The following TMEM151B variants were observed in gnomAD, a reference collection of about 807,000 sequenced individuals.
TMEM151B encodes the protein transmembrane protein 193.
A neutral mutation model predicts 33.0 loss-of-function variants in TMEM151B; 18 were observed. That is an observed-to-expected ratio of 0.55 (90% CI 0.38 to 0.81). The LOEUF is 0.81. TMEM151B is among the 30% of genes least tolerant of loss of function. The probability of loss-of-function intolerance (pLI) is 0.00; values close to 1 mark genes in which losing one functional copy is unlikely to be tolerated. For synonymous variants in TMEM151B, 354 were observed against 373.6 expected, an observed-to-expected ratio of 0.95 and a Z score of 0.61; for missense variants, 672 against 843.4, an observed-to-expected ratio of 0.80 and a Z score of 2.52.
rs971040753 is a variant in TMEM151B at position 44,276,400 on chromosome 6, G to C, written c.1574G>C (p.Gly525Ala). The C allele has an allele frequency of 6.6e-7, 1 of 1,514,232 alleles. No homozygotes were observed. The highest frequency in any genetic ancestry group is 2.0e-5 in the Admixed American group (1 of 49,352). The allele number at this position is 1,514,232 out of a possible 1,614,324, so 93.8% of individuals were successfully genotyped here. The change falls in exon 3 of 3, where the codon GGG (glycine) becomes GCG (alanine). Residue 525 changes from glycine to alanine, a missense_variant. Coordinates refer to ENST00000451188, the MANE Select transcript of TMEM151B (RefSeq NM_001137560.2). ...GAGGACGACGACGAGGAGGAGGCCG[G>C]GCCGCCGCCGCCCTACCACGACGCC... ...DDEDDDEEEAGPPPPYHDALY... is the reference protein window; with the variant it reads ...DDEDDDEEEAAPPPPYHDALY...
chr6:44,272,058 A>C (rs985116491), intron 1 of TMEM151B, among the ~76,000 whole-genome samples: 1 of 152,142 alleles, frequency 6.6e-6, no homozygotes, highest in Non-Finnish European at 1.5e-5. Context: ...AGAATGAAGC[A>C]TGGGCCCTCA....
intron 1 of TMEM151B, among the ~76,000 whole-genome samples, chr6:44,272,735 A>G (rs1782416265): frequency 6.6e-6 from 1 of 152,008 alleles, no homozygotes; most frequent in Admixed American, 6.5e-5. Flanking sequence ...CTCTCTGGGT[A>G]CCATCCTATC....
rs1338101094 is a variant in TMEM151B, at chr6:44,273,408, A to G, written c.478A>G (p.Thr160Ala). 7 of 1,551,080 alleles carry G rather than the reference A, an allele frequency of 4.5e-6. No individual in the cohort carries two copies. The highest frequency in any genetic ancestry group is 1.4e-5 in the African/African-American group (1 of 73,060). Reference protein sequence around the residue: ...RERVGRMQQATPCIWWKAISY... With the variant: ...RERVGRMQQAAPCIWWKAISY... The stretch of plus-strand genomic sequence containing the variant: ...ACGTGTGGGCCGCATGCAGCAAGCC[A>G]CGCCCTGCATCTGGTGGAAGGCCAT... Residue 160 changes from threonine (T) to alanine (A), a missense_variant, in exon 2 of 3, where the codon ACG becomes GCG. Thr to Ala is a moderately conservative substitution (Grantham distance 58, BLOSUM62 0). This residue lies in a region of TMEM151B where 285 missense variants were observed against 423.1 expected (regional missense o/e 0.67). Transcript: ENST00000451188.
In TMEM151B at chr6:44,273,115, A is replaced by G; in HGVS notation, c.185A>G (p.His62Arg). The change falls in exon 2 of 3, where the codon CAC (histidine) becomes CGC (arginine). Residue 62 changes from histidine (H) to arginine (R), a missense_variant. His to Arg is a conservative substitution (Grantham distance 29). Coordinates refer to ENST00000451188, the MANE Select transcript of TMEM151B (RefSeq NM_001137560.2). ...ACCAAGTCCCTCTGCCGTGAGTCCCACTGGAAGTGCCTCCTGCTCTCGCTG... is the reference window on the plus strand; with the variant it reads ...ACCAAGTCCCTCTGCCGTGAGTCCCGCTGGAAGTGCCTCCTGCTCTCGCTG... ...SFTKSLCRES[H>R]WKCLLLSLLM... 1 of 1,522,102 alleles carries G rather than the reference A, an allele frequency of 6.6e-7. No individual in the cohort carries two copies. Among genetic ancestry groups the G allele is most frequent in the Non-Finnish European group, 8.9e-7 (1 of 1,128,550 alleles). The allele number at this position is 1,522,102 out of a possible 1,614,324, so 94.3% of individuals were successfully genotyped here.
intron 1 of TMEM151B, among the ~76,000 whole-genome samples, chr6:44,272,633 C>T (rs1272298030): frequency 6.6e-6 from 1 of 152,158 alleles, no homozygotes; most frequent in African/African-American, 2.4e-5. Context: ...GGCTGGGGAC[C>T]TTCCTTCGCT....
At position 44,277,893 on chromosome 6, in the gene TMEM151B, G is replaced by A. The variant is rs538738627; in HGVS notation, c.*1366G>A. On this transcript the variant is annotated 3_prime_UTR_variant, in exon 3 of 3. Coordinates refer to ENST00000451188, the MANE Select transcript of TMEM151B (RefSeq NM_001137560.2). ...ACCACCTCCACCCTGATGTGCTTCA[G>A]TGTGCATGTCTGTGAACAGCCCTCC... 6.5e-6 allele frequency: 1 copy of A among 152,814 alleles called. No individual in the cohort carries two copies. The highest frequency in any genetic ancestry group is 2.4e-5 in the African/African-American group (1 of 41,558). The allele number at this position is 152,814 out of a possible 1,614,324, so 9.5% of individuals were successfully genotyped here.
In TMEM151B at chr6:44,275,747, G is replaced by A. The variant is rs753196536; in HGVS notation, c.921G>A (p.Leu307=). ...CGTCGGCCTTCTGGGCCGCGGCGCT[G>A]CTCACGCTGTCGTGGCCGCTGCGAG... ...ACSSAFWAAA[L]LTLSWPLRVL... The change falls in exon 3 of 3, where the codon CTG becomes CTA. Residue 307 remains leucine, a synonymous_variant. Transcript: ENST00000451188. 1.0e-5 allele frequency: 16 copies of A among 1,546,458 alleles called. No individual in the cohort carries two copies. The South Asian group carries it at 1.9e-4, about 18-fold the overall frequency.
At position 44,279,055 on chromosome 6, in the gene TMEM151B, C is replaced by A. The variant is rs1277917421; in HGVS notation, c.*2528C>A. ...GGAAGGAGTCCCTGGAGAGCAGGCA[C>A]TCCTGGACTGGGGTTGTAGCCCATG... On this transcript the variant is annotated 3_prime_UTR_variant, in exon 3 of 3. Coordinates refer to ENST00000451188, the MANE Select transcript of TMEM151B (RefSeq NM_001137560.2). The A allele has an allele frequency of 6.6e-6, 1 of 152,430 alleles. No homozygotes were observed. The highest frequency in any genetic ancestry group is 2.1e-4 in the South Asian group (1 of 4,828). The allele number at this position is 152,430 out of a possible 1,614,324, so 9.4% of individuals were successfully genotyped here. A position where few individuals can be genotyped will look rare whatever the true frequency, so the allele number is the denominator to read the frequency against.
At chr6:44,274,677 G>C (rs1437091673) in intron 2 of TMEM151B, among the ~76,000 whole-genome samples, 1 of 152,216 alleles carries the variant, frequency 6.6e-6, no homozygotes, top group Non-Finnish European at 1.5e-5. Context: ...AAACACAATT[G>C]TAAAAGGGAA....
In TMEM151B at chr6:44,277,154, C is replaced by T. The variant is rs1782625343; in HGVS notation, c.*627C>T. Reference sequence around the variant, plus strand: ...CAAGATTGGGGTTTCCTTTCTGCCGCTCCCTCCACTGTTGTTTATCTAACT... The same window carrying T: ...CAAGATTGGGGTTTCCTTTCTGCCGTTCCCTCCACTGTTGTTTATCTAACT... On this transcript the variant is annotated 3_prime_UTR_variant, in exon 3 of 3. Coordinates refer to ENST00000451188, the MANE Select transcript of TMEM151B (RefSeq NM_001137560.2). The T allele has an allele frequency of 6.6e-6, 1 of 152,506 alleles. No homozygotes were observed. Among genetic ancestry groups the T allele is most frequent in the Non-Finnish European group, 1.5e-5 (1 of 68,250 alleles). 9.4% of individuals were successfully genotyped at this position (152,506 alleles called of 1,614,324 possible). A position where few individuals can be genotyped will look rare whatever the true frequency, so the allele number is the denominator to read the frequency against.
intron 1 of TMEM151B, among the ~76,000 whole-genome samples, 162 bp downstream of exon 1, chr6:44,271,039 C>G (rs112268986): frequency 2.0e-5 from 3 of 149,514 alleles, no homozygotes; most frequent in African/African-American, 4.9e-5. Context: ...ACCCGGCGGC[C>G]GGAGCTGTCC....
At position 44,276,074 on chromosome 6, in the gene TMEM151B, T is replaced by G; in HGVS notation, c.1248T>G (p.Gly416=). Residue 416 remains glycine (G), a synonymous_variant, in exon 3 of 3, where the codon GGT becomes GGG. Coordinates refer to ENST00000451188, the MANE Select transcript of TMEM151B (RefSeq NM_001137560.2). ...GGGYAPSCRY[G]GVGGPGAAGV... ...GCTACGCGCCCTCGTGCCGCTACGG[T>G]GGGGTAGGCGGCCCGGGCGCGGCGG... The G allele has an allele frequency of 7.5e-7, 1 of 1,325,990 alleles. No homozygotes were observed. The highest frequency in any genetic ancestry group is 9.6e-7 in the Non-Finnish European group (1 of 1,045,800). The allele number at this position is 1,325,990 out of a possible 1,614,324, so 82.1% of individuals were successfully genotyped here. A position where few individuals can be genotyped will look rare whatever the true frequency, so the allele number is the denominator to read the frequency against.
In TMEM151B at chr6:44,276,264, T is replaced by A; in HGVS notation, c.1438T>A (p.Tyr480Asn). 1 of 1,348,790 alleles carries A rather than the reference T, an allele frequency of 7.4e-7. No individual in the cohort carries two copies. Among genetic ancestry groups the A allele is most frequent in the Non-Finnish European group, 9.5e-7 (1 of 1,053,230 alleles). 83.6% of individuals were successfully genotyped at this position (1,348,790 alleles called of 1,614,324 possible). Residue 480 changes from tyrosine to asparagine, a missense_variant, in exon 3 of 3, where the codon TAC becomes AAC. Tyr to Asn is a moderately radical substitution (Grantham distance 143). This residue lies in a region of TMEM151B where 324 missense variants were observed against 363.1 expected (regional missense o/e 0.89). Coordinates refer to ENST00000451188, the MANE Select transcript of TMEM151B (RefSeq NM_001137560.2). ...GGSRFSLGRL[Y>N]GSRRSCLWRS... is the part of the protein sequence containing the mutation. ...CAGCCGCTTCTCGCTGGGCCGTCTC[T>A]ACGGCTCCCGGCGCAGCTGCCTGTG...
rs1782707304 is a variant in TMEM151B at position 44,278,986 on chromosome 6, C to G, written c.*2459C>G. The G allele has an allele frequency of 6.6e-6, 1 of 152,266 alleles. No homozygotes were observed. The highest frequency in any genetic ancestry group is 1.5e-5 in the Non-Finnish European group (1 of 68,072). 9.4% of individuals were successfully genotyped at this position (152,266 alleles called of 1,614,324 possible). On this transcript the variant is annotated 3_prime_UTR_variant, in exon 3 of 3. Transcript: ENST00000451188. ...GCCTAGACAGGCACACACATGCAGTCACTCCCAAGCCCCCTTTGGTGCTCT... is the reference window on the plus strand; with the variant it reads ...GCCTAGACAGGCACACACATGCAGTGACTCCCAAGCCCCCTTTGGTGCTCT...
At chr6:44,271,564 G>A (rs1782358014) in intron 1 of TMEM151B, among the ~76,000 whole-genome samples, 1 of 152,090 alleles carries the variant, frequency 6.6e-6, no homozygotes, top group Admixed American at 6.5e-5. Context: ...CACACAAGCG[G>A]GGATGGGCCT....
At chr6:44,274,607 G>C (rs1471305493) in intron 2 of TMEM151B, among the ~76,000 whole-genome samples, 2 of 152,240 alleles carry the variant, frequency 1.3e-5, no homozygotes, top group Non-Finnish European at 2.9e-5. Context: ...GCTACAGCGT[G>C]AACAGGCAGA....
intron 1 of TMEM151B, among the ~76,000 whole-genome samples, chr6:44,272,578 T>C (rs1444851413): frequency 6.6e-6 from 1 of 152,180 alleles, no homozygotes; most frequent in Non-Finnish European, 1.5e-5. Flanking sequence ...GGAAGTGATG[T>C]CAGTGGGTCC....
In TMEM151B at chr6:44,278,933, G is replaced by A. The variant is rs1782704621; in HGVS notation, c.*2406G>A. 6.6e-6 allele frequency: 1 copy of A among 151,802 alleles called. No individual in the cohort carries two copies. The highest frequency in any genetic ancestry group is 1.5e-5 in the Non-Finnish European group (1 of 68,014). 9.4% of individuals were successfully genotyped at this position (151,802 alleles called of 1,614,324 possible). On this transcript the variant is annotated 3_prime_UTR_variant, in exon 3 of 3. Coordinates refer to ENST00000451188, the MANE Select transcript of TMEM151B (RefSeq NM_001137560.2). The stretch of plus-strand genomic sequence containing the variant: ...CGTTTGCACTCCGGAACTGTCAGAG[G>A]GTGTCAGGCACAGACAGACTCTAGG...
rs907993799 is a variant in TMEM151B, at chr6:44,276,636, G to C, written c.*109G>C. ...CACGGTGACTGAGGCCGCGCGGGGG[G>C]CAGGGAAAGGGAGGTGAGGGCCGCA... On this transcript the variant is annotated 3_prime_UTR_variant, in exon 3 of 3. Coordinates refer to ENST00000451188, the MANE Select transcript of TMEM151B (RefSeq NM_001137560.2). 18 of 1,285,796 alleles carry C rather than the reference G, an allele frequency of 1.4e-5. No individual in the cohort carries two copies. Among genetic ancestry groups the C allele is most frequent in the Non-Finnish European group, 1.7e-5 (17 of 1,017,082 alleles). The allele number at this position is 1,285,796 out of a possible 1,614,324, so 79.6% of individuals were successfully genotyped here. A position where few individuals can be genotyped will look rare whatever the true frequency, so the allele number is the denominator to read the frequency against.
Sources: allele counts gnomAD v4.1 joint callset (sites outside exome capture counted in the v4.1 genomes callset), GRCh38; gene constraint gnomAD v4.1.1; regional missense constraint gnomAD v4.1.1; transcripts MANE v1.5; gene names NCBI Gene and HGNC (gene_info 2026-07-23, HGNC 2026-07-21).